Variants in EMILIN2 observed in about 807,000 individuals in gnomAD.
EMILIN2 encodes elastin microfibril interfacer 2.
In EMILIN2, 71 loss-of-function variants were observed where a neutral mutation model predicts 87.1. The observed-to-expected ratio is 0.82, with a 90% CI of 0.67 to 0.99. The LOEUF (loss-of-function observed/expected upper bound fraction) is 0.99. Among genes scored for constraint, EMILIN2 ranks in the 50% least tolerant of loss-of-function variants. The pLI is 0.00. For missense variants in EMILIN2, 1,407 were observed against 1,371.8 expected (o/e 1.03, Z -0.40); for synonymous variants, 581 against 563.4 (o/e 1.03, Z -0.44).
intron 7 of EMILIN2, among the ~76,000 whole-genome samples, chr18:2,911,571 C>T (rs928263905): frequency 5.9e-5 from 9 of 152,198 alleles, no homozygotes; most frequent in African/African-American, 1.4e-4. Flanking sequence ...TTAACAACTG[C>T]AGGACCATCA....
chr18:2,884,920 T>C, intron 2 of EMILIN2, 44 bp from the exon 3 acceptor site: 1 of 1,533,470 alleles, frequency 6.5e-7, no homozygotes, highest in East Asian at 2.3e-5. Flanking sequence ...AAGTTGCTTG[T>C]AACGGCAGCC....
intron 4 of EMILIN2, among the ~76,000 whole-genome samples, chr18:2,900,133 T>G (rs111241380): frequency 1.6e-3 from 1 of 634 alleles, no homozygotes; most frequent in Admixed American, 0.1. Flanking sequence ...AGCTTGAGGG[T>G]TTTTTTTTTC....
In EMILIN2 at chr18:2,894,559, AT is replaced by A. The variant is rs1598501194; in HGVS notation, c.2359+2076del. Among the ~76,000 whole-genome samples the A allele has an allele frequency of 6.6e-6, 1 of 152,082 alleles. No homozygotes were observed. Among genetic ancestry groups the A allele is most frequent in the African/African-American group, 2.4e-5 (1 of 41,396 alleles). On this transcript the variant is annotated intron_variant, in intron 4 of 7. Transcript: ENST00000254528. The surrounding 1 kb of genome is among the most constrained non-coding windows in gnomAD (Gnocchi z 5.0). ...AGGTTGAATCAGATATTTCCAGTTG[AT>A]TTGGAACTCCCTGGTGGCGTGGGAA... is the stretch of plus-strand genomic sequence containing the variant.
intron 2 of EMILIN2, among the ~76,000 whole-genome samples, chr18:2,870,932 TC>T (rs2076716363): frequency 6.6e-6 from 1 of 152,112 alleles, no homozygotes; most frequent in South Asian, 2.1e-4. Context: ...GTCTCCAAAT[TC>T]CCCCACCACC....
intron 2 of EMILIN2, among the ~76,000 whole-genome samples, chr18:2,855,671 C>A (rs766709766): frequency 6.6e-6 from 1 of 152,116 alleles, no homozygotes; most frequent in Non-Finnish European, 1.5e-5. Context: ...TGACGTGCTT[C>A]GGAAGAGGAG....
At chr18:2,871,671 A>G (rs1203598487) in intron 2 of EMILIN2, among the ~76,000 whole-genome samples, 6 of 152,188 alleles carry the variant, frequency 3.9e-5, no homozygotes. Flanking sequence ...GTTGCAAAAG[A>G]AGTTGAATTA....
chr18:2,911,288 AG>A (rs2076939671), intron 7 of EMILIN2, among the ~76,000 whole-genome samples: 1 of 150,096 alleles, frequency 6.7e-6, no homozygotes, highest in Admixed American at 6.6e-5. Context: ...AGTGCCTAAG[AG>A]GGGGGCGTGC....
In EMILIN2 at chr18:2,852,947, G is replaced by A. The variant is rs139352862; in HGVS notation, c.257+5016G>A. ...ATGTGAGGAGGGCTCTGGATCCTCC[G>A]GGCACAGGATTGCTTCAACAAAACA... On this transcript the variant is annotated intron_variant, in intron 2 of 7. Transcript: ENST00000254528. Among the ~76,000 whole-genome samples the A allele has an allele frequency of 2.5e-3, 377 of 152,206 alleles. 3 individuals carry two copies. Among genetic ancestry groups the A allele is most frequent in the African/African-American group, 8.6e-3 (358 of 41,526 alleles).
intron 2 of EMILIN2, among the ~76,000 whole-genome samples, chr18:2,859,419 T>C (rs374458440): frequency 1.3e-5 from 2 of 152,320 alleles, no homozygotes; most frequent in Admixed American, 6.5e-5. Context: ...TGGGATTGTT[T>C]GTTTTCTTCT....
chr18:2,906,983 C>A lies in EMILIN2; in HGVS notation c.2560C>A (p.Pro854Thr). The change falls in exon 5 of 8, where the codon CCC (proline) becomes ACC (threonine). Residue 854 changes from proline to threonine, a missense_variant. Coordinates refer to ENST00000254528, the MANE Select transcript of EMILIN2 (RefSeq NM_032048.3). ...CGCGGAGACGGGCCAGGCCGGGCCC[C>A]CCGCAGGCGCAGGCGTGTCTGGGCG... ...VIAETGQAGP[P>T]AGAGVSGRGL... The A allele has an allele frequency of 2.9e-6, 4 of 1,387,414 alleles. No individual in the cohort carries two copies. Among genetic ancestry groups the A allele is most frequent in the Non-Finnish European group, 3.7e-6 (4 of 1,069,002 alleles). The allele number at this position is 1,387,414 out of a possible 1,614,324, so 85.9% of individuals were successfully genotyped here.
At chr18:2,909,566 C>G (rs2076931153) in intron 6 of EMILIN2, 125 bp from the exon 7 acceptor site, 1 of 1,292,266 alleles carries the variant, frequency 7.7e-7, no homozygotes, top group South Asian at 1.4e-5. Context: ...GTTTGCTTCA[C>G]CACTTTGGGT....
chr18:2,911,253 C>T (rs1292064744), intron 7 of EMILIN2, among the ~76,000 whole-genome samples: 1 of 152,160 alleles, frequency 6.6e-6, no homozygotes, highest in East Asian at 1.9e-4. Flanking sequence ...CCTTGGGGGG[C>T]CGTCCGCATG....
intron 2 of EMILIN2, among the ~76,000 whole-genome samples, chr18:2,861,211 TTGCTG>T (rs1040631140): frequency 6.6e-6 from 1 of 152,254 alleles, no homozygotes; most frequent in African/African-American, 2.4e-5. Context: ...GTAGTTTCTT[TTGCTG>T]TGCAGAAGCT....
intron 2 of EMILIN2, among the ~76,000 whole-genome samples, chr18:2,884,015 G>A (rs1398897876): frequency 6.6e-6 from 1 of 152,106 alleles, no homozygotes; most frequent in Non-Finnish European, 1.5e-5. Flanking sequence ...GAGTGCAGTG[G>A]CGCGATCTCG....
chr18:2,909,676 C>T lies in EMILIN2; in HGVS notation c.2696-15C>T, dbSNP rs1331329259. On this transcript the variant is annotated splice_polypyrimidine_tract_variant and intron_variant, in intron 6 of 7. Transcript: ENST00000254528. The stretch of plus-strand genomic sequence containing the variant: ...AGCACCCGGGTCAATCCATTCCATC[C>T]TTTCTCTGCTCCAGGAGCTCCGGTG... The T allele has an allele frequency of 6.2e-7, 1 of 1,613,398 alleles. No individual in the cohort carries two copies. Among genetic ancestry groups the T allele is most frequent in the Non-Finnish European group, 8.5e-7 (1 of 1,179,672 alleles).
At chr18:2,909,413 C>T (rs1166783451) in intron 6 of EMILIN2, among the ~76,000 whole-genome samples, 1 of 152,250 alleles carries the variant, frequency 6.6e-6, no homozygotes, top group Non-Finnish European at 1.5e-5. Context: ...CTCACACGCA[C>T]ATACACATGC....
rs2144086277 is a variant in EMILIN2 at position 2,915,235 on chromosome 18, G to C, written c.*1831G>C. 6.6e-6 allele frequency: 1 copy of C among 152,356 alleles called. No homozygotes were observed. The highest frequency in any genetic ancestry group is 1.5e-5 in the Non-Finnish European group (1 of 68,048). The allele number at this position is 152,356 out of a possible 1,614,324, so 9.4% of individuals were successfully genotyped here. On this transcript the variant is annotated 3_prime_UTR_variant, in exon 8 of 8. Transcript: ENST00000254528. Reference sequence around the variant, plus strand: ...TACTCACCAACAATGGTGAATCTCAGCTCTGTGTATTCAAGACAGGCAAAA... The same window carrying C: ...TACTCACCAACAATGGTGAATCTCACCTCTGTGTATTCAAGACAGGCAAAA...
intron 4 of EMILIN2, chr18:2,906,500 A>AGC (rs774962250): frequency 3.5e-5 from 11 of 310,168 alleles, no homozygotes; most frequent in Non-Finnish European, 5.9e-5. Context: ...TTGATGCCGG[A>AGC]GCCAAGAGTG....
Position 2,848,022 on chromosome 18 carries a change from C to T in EMILIN2, c.257+91C>T, listed in dbSNP as rs1192204663. 2 of 1,382,234 alleles carry T rather than the reference C, an allele frequency of 1.4e-6. No homozygotes were observed. The highest frequency in any genetic ancestry group is 1.5e-5 in the African/African-American group (1 of 68,158). The allele number at this position is 1,382,234 out of a possible 1,614,324, so 85.6% of individuals were successfully genotyped here. ...TTGCTGCGCTGGGCTCCAGTCCCTC[C>T]GGTAAATCCCTTCCAGATCCGGTGA... On this transcript the variant is annotated intron_variant, in intron 2 of 7. Coordinates refer to ENST00000254528, the MANE Select transcript of EMILIN2 (RefSeq NM_032048.3). The surrounding 1 kb of genome is among the most constrained non-coding windows in gnomAD (Gnocchi z 4.1).
Sources: allele counts gnomAD v4.1 joint callset (sites outside exome capture counted in the v4.1 genomes callset), GRCh38; gene constraint gnomAD v4.1.1; non-coding constraint Gnocchi (gnomAD v3.1); transcripts MANE v1.5; gene names NCBI Gene and HGNC (gene_info 2026-07-23, HGNC 2026-07-21).